RCAN2: variants seen among roughly 807,000 people sequenced by gnomAD.
RCAN2 encodes calcipressin-2.
A neutral mutation model predicts 23.6 loss-of-function variants in RCAN2; 9 were observed. That is an observed-to-expected ratio of 0.38 (90% CI 0.23 to 0.67). RCAN2 has a LOEUF of 0.67. Ranked by LOEUF, RCAN2 falls within the 30% of genes least tolerant of loss-of-function variation. The probability of loss-of-function intolerance (pLI) is 0.51; values close to 1 mark genes in which losing one functional copy is unlikely to be tolerated. For synonymous variants in RCAN2, 109 were observed against 115.7 expected, an observed-to-expected ratio of 0.94 and a Z score of 0.37; for missense variants, 273 against 302.3, an observed-to-expected ratio of 0.90 and a Z score of 0.72.
intron 2 of RCAN2, among the ~76,000 whole-genome samples, chr6:46,453,208 A>C (rs1767928501): frequency 6.6e-6 from 1 of 152,158 alleles, no homozygotes; most frequent in Admixed American, 6.5e-5. Context: ...AGTAATTTTC[A>C]GGTGTTGGAC....
At chr6:46,373,556 CT>C (rs1345632100) in intron 2 of RCAN2, among the ~76,000 whole-genome samples, 5 of 152,186 alleles carry the variant, frequency 3.3e-5, no homozygotes, top group African/African-American at 1.2e-4. Context: ...CATGCCCAGA[CT>C]ATTTTTCATA....
chr6:46,440,166 T>C (rs1485633706), intron 2 of RCAN2, among the ~76,000 whole-genome samples: 2 of 152,178 alleles, frequency 1.3e-5, no homozygotes, highest in Non-Finnish European at 2.9e-5. Context: ...ACACATATCC[T>C]CAAATGCTTT....
chr6:46,299,715 T>G (rs1762840885), intron 2 of RCAN2, among the ~76,000 whole-genome samples: 1 of 152,072 alleles, frequency 6.6e-6, no homozygotes, highest in South Asian at 2.1e-4. Context: ...TTTTCTCATC[T>G]GGAAGATGAA....
At chr6:46,467,653 G>A (rs1215852291) in intron 1 of RCAN2, among the ~76,000 whole-genome samples, 1 of 152,192 alleles carries the variant, frequency 6.6e-6, no homozygotes, top group East Asian at 1.9e-4. Flanking sequence ...TGTGACCTTG[G>A]ACATGTTACT....
chr6:46,372,772 T>C (rs1379394143), intron 2 of RCAN2, among the ~76,000 whole-genome samples: 1 of 152,244 alleles, frequency 6.6e-6, no homozygotes, highest in Admixed American at 6.5e-5. Flanking sequence ...AGAATTTCCC[T>C]GGTCATTTTC....
At chr6:46,240,733 T>A (rs1249685916) in intron 4 of RCAN2, among the ~76,000 whole-genome samples, 6 of 152,192 alleles carry the variant, frequency 3.9e-5, no homozygotes, top group Admixed American at 3.3e-4. Context: ...TACCTCTGAA[T>A]CAGAGCCTGG....
chr6:46,246,907 C>T lies in RCAN2; in HGVS notation c.412G>A (p.Glu138Lys), dbSNP rs1303605138. ...AAGTGCAGTTTGTCTCCATCTGTCT[C>T]TGGAGTCTGAACCTTTCAAATAGAG... Reference protein sequence around the residue: ...KLYFAQVQTPETDGDKLHLAP... With the variant: ...KLYFAQVQTPKTDGDKLHLAP... Residue 138 changes from glutamate (E) to lysine (K), a missense_variant, in exon 4 of 5, where the codon GAG (glutamate) becomes AAG (lysine). Glu to Lys is a moderately conservative substitution (Grantham distance 56). Transcript: ENST00000371374. The T allele has an allele frequency of 6.3e-7, 1 of 1,582,134 alleles. No individual in the cohort carries two copies. Among genetic ancestry groups the T allele is most frequent in the Non-Finnish European group, 8.6e-7 (1 of 1,162,542 alleles).
chr6:46,352,940 A>G (rs1204547944), intron 2 of RCAN2, among the ~76,000 whole-genome samples: 1 of 152,184 alleles, frequency 6.6e-6, no homozygotes, highest in Non-Finnish European at 1.5e-5. Context: ...GGAGGATTTA[A>G]CAAGATGATT....
chr6:46,426,093 T>C (rs1767024274), intron 2 of RCAN2, among the ~76,000 whole-genome samples: 1 of 151,716 alleles, frequency 6.6e-6, no homozygotes, highest in East Asian at 1.9e-4. Flanking sequence ...AAGACAGGGT[T>C]TCACCATGTT....
At chr6:46,369,200 T>A (rs1008984873) in intron 2 of RCAN2, among the ~76,000 whole-genome samples, 1 of 152,260 alleles carries the variant, frequency 6.6e-6, no homozygotes, top group African/African-American at 2.4e-5. Flanking sequence ...TGGAAGGTCT[T>A]CAAGGGCAGT....
intron 2 of RCAN2, among the ~76,000 whole-genome samples, chr6:46,339,132 A>G (rs1764229291): frequency 6.6e-6 from 1 of 151,958 alleles, no homozygotes; most frequent in African/African-American, 2.4e-5. Context: ...TATTGAATAT[A>G]CTATGTTCCC....
chr6:46,299,351 T>G (rs1393156905), intron 2 of RCAN2, among the ~76,000 whole-genome samples: 1 of 152,016 alleles, frequency 6.6e-6, no homozygotes, highest in Non-Finnish European at 1.5e-5. Context: ...AATGCAAACA[T>G]TTTTAGGACT....
chr6:46,281,525 G>C (rs953605641), intron 2 of RCAN2, among the ~76,000 whole-genome samples: 2 of 152,170 alleles, frequency 1.3e-5, no homozygotes, highest in Non-Finnish European at 2.9e-5. Flanking sequence ...CAAGTGAAAA[G>C]GGAGATTTGA....
chr6:46,357,417 G>C (rs9395178), intron 2 of RCAN2, among the ~76,000 whole-genome samples: 67,072 of 152,064 alleles, frequency 0.44, 16,461 homozygotes, highest in East Asian at 0.6. Flanking sequence ...ATATGGGTAA[G>C]TTATTAGTAA....
intron 2 of RCAN2, among the ~76,000 whole-genome samples, chr6:46,328,351 G>T (rs1250665504): frequency 6.6e-6 from 1 of 152,122 alleles, no homozygotes; most frequent in Non-Finnish European, 1.5e-5. Flanking sequence ...CCTCCCAGAG[G>T]AATACATATT....
intron 2 of RCAN2, among the ~76,000 whole-genome samples, chr6:46,434,415 G>A (rs1056994648): frequency 4.6e-5 from 7 of 152,104 alleles, no homozygotes; most frequent in Non-Finnish European, 1.0e-4. Flanking sequence ...ACTCTGGGGA[G>A]ACCTTACATG....
chr6:46,447,903 A>G (rs2150426841), intron 2 of RCAN2, among the ~76,000 whole-genome samples: 1 of 151,908 alleles, frequency 6.6e-6, no homozygotes, highest in African/African-American at 2.4e-5. Flanking sequence ...GAAGATTTCA[A>G]ACAAAAAACA....
chr6:46,251,049 CT>C (rs543528775), intron 2 of RCAN2, among the ~76,000 whole-genome samples: 2 of 152,220 alleles, frequency 1.3e-5, no homozygotes, highest in East Asian at 1.9e-4. Context: ...AAAGCTTTTG[CT>C]TTTTTTGTGA....
chr6:46,376,010 C>T (rs1014920455), intron 2 of RCAN2, among the ~76,000 whole-genome samples: 1 of 152,198 alleles, frequency 6.6e-6, no homozygotes, highest in Non-Finnish European at 1.5e-5. Flanking sequence ...AGTTCCTTTC[C>T]ATTCTTCAAT....
Sources: allele counts gnomAD v4.1 joint callset (sites outside exome capture counted in the v4.1 genomes callset), GRCh38; gene constraint gnomAD v4.1.1; transcripts MANE v1.5; gene names NCBI Gene and HGNC (gene_info 2026-07-23, HGNC 2026-07-21).